The following NEB variants were observed in gnomAD, a reference collection of about 807,000 sequenced individuals.
NEB encodes nebulin, also known as nemaline myopathy type 2.
A neutral mutation model predicts 952.2 loss-of-function variants in NEB; 512 were observed. The observed-to-expected ratio is 0.54, with a 90% CI of 0.50 to 0.58. NEB has a LOEUF of 0.58. Among genes scored for constraint, NEB ranks in the 20% least tolerant of loss-of-function variants. The pLI, the probability that NEB is intolerant of heterozygous loss-of-function variation, is 0.00. For synonymous variants in NEB, 2,900 were observed against 3,149.8 expected, an observed-to-expected ratio of 0.92 and a Z score of 2.66; for missense variants, 8,428 against 9,231.1, an observed-to-expected ratio of 0.91 and a Z score of 3.56.
In NEB at chr2:151,684,994, C is replaced by A. The variant is rs750188445; in HGVS notation, c.2638-19G>T. ...ATTCGCGCTGTGAATAGGAAATTATCATTTATTATCACAAATCCTCGATGG... is the reference window on the plus strand; with the variant it reads ...ATTCGCGCTGTGAATAGGAAATTATAATTTATTATCACAAATCCTCGATGG... On this transcript the variant is annotated intron_variant, in intron 27 of 181. Coordinates refer to ENST00000397345, the MANE Select transcript of NEB (RefSeq NM_001164508.2). 2 of 1,554,304 alleles carry A rather than the reference C, an allele frequency of 1.3e-6. No individual in the cohort carries two copies. Among genetic ancestry groups the A allele is most frequent in the Non-Finnish European group, 1.8e-6 (2 of 1,139,188 alleles).
intron 138 of NEB, 43 bp from the exon 139 acceptor site, chr2:151,538,287 G>T: frequency 1.4e-6 from 2 of 1,409,982 alleles, no homozygotes; most frequent in Non-Finnish European, 2.0e-6. Context: ...AAACTACCAA[G>T]TTAAATAATT....
rs1471553322 is a variant in NEB at position 151,667,870 on chromosome 2, G to C, written c.4653C>G (p.Gly1551=). The change falls in exon 40 of 182, where the codon GGC becomes GGG. Residue 1551 remains glycine, a synonymous_variant. Transcript: ENST00000397345. ...KADWKKTIAK[G]YDLRPDAIPI... The stretch of plus-strand genomic sequence containing the variant: ...GGATGGCATCTGGTCTCAAATCATA[G>C]CCCTTGGCAATGGTTTTCTTCCAAT... 9.3e-6 allele frequency: 15 copies of C among 1,612,386 alleles called. No homozygotes were observed. Among genetic ancestry groups the C allele is most frequent in the Non-Finnish European group, 1.3e-5 (15 of 1,178,836 alleles).
At chr2:151,489,556 C>G (rs538514382) in intron 181 of NEB, among the ~76,000 whole-genome samples, 1 of 152,158 alleles carries the variant, frequency 6.6e-6, no homozygotes, top group East Asian at 1.9e-4. Context: ...ACCACCACAC[C>G]TGGCTAATTT....
In NEB at chr2:151,505,432, A is replaced by T. The variant is rs116698898; in HGVS notation, c.23742+46T>A. 521 of 1,485,458 alleles carry T rather than the reference A, an allele frequency of 3.5e-4. No homozygotes were observed. In the African/African-American group the frequency reaches 5.9e-3, roughly 17 times the overall value. 92.0% of individuals were successfully genotyped at this position (1,485,458 alleles called of 1,614,324 possible). ...TGAGAGAGCACCAGGGTAGCAATTG[A>T]GAGATGGCCAGTCACACAAATGGAA... On this transcript the variant is annotated intron_variant, in intron 165 of 181. Coordinates refer to ENST00000397345, the MANE Select transcript of NEB (RefSeq NM_001164508.2).
chr2:151,684,828 C>G lies in NEB; in HGVS notation c.2785G>C (p.Asp929His). ...TTGGCAAGGTCCACATTGATGCTAT[C>G]AGGGGGGTAGCTGTAACTGTGTAAG... ...HILHSYSYPP[D>H]SINVDLAKKA... The change falls in exon 28 of 182, where the codon GAT (aspartate) becomes CAT (histidine). Residue 929 changes from aspartate to histidine, a missense_variant. Coordinates refer to ENST00000397345, the MANE Select transcript of NEB (RefSeq NM_001164508.2). 1 of 1,613,302 alleles carries G rather than the reference C, an allele frequency of 6.2e-7. No individual in the cohort carries two copies. Among genetic ancestry groups the G allele is most frequent in the Non-Finnish European group, 8.5e-7 (1 of 1,179,602 alleles).
chr2:151,553,316 T>C, intron 127 of NEB, 82 bp downstream of exon 127: 1 of 1,148,588 alleles, frequency 8.7e-7, no homozygotes, highest in Non-Finnish European at 1.3e-6. Flanking sequence ...TGTGACAATG[T>C]CCCTATTTTA....
At position 151,492,489 on chromosome 2, in the gene NEB, A is replaced by C. The variant is rs1298212749; in HGVS notation, c.24771T>G (p.Leu8257=). ...KRNQENISSV[L]YSDSFRKQIQ... is the part of the protein sequence containing the mutation. ...TTTGTTTCCGGAAACTATCAGAATAAAGAACCTGATGCAGGAGAGACCGTG... is the reference window on the plus strand; with the variant it reads ...TTTGTTTCCGGAAACTATCAGAATACAGAACCTGATGCAGGAGAGACCGTG... Residue 8257 remains leucine (L), a synonymous_variant, in exon 177 of 182, where the codon CTT becomes CTG. Transcript: ENST00000397345. 9 of 1,609,668 alleles carry C rather than the reference A, an allele frequency of 5.6e-6. No homozygotes were observed. The highest frequency in any genetic ancestry group is 1.7e-5 in the Admixed American group (1 of 59,970).
chr2:151,562,946 T>C, intron 119 of NEB, 138 bp from the exon 120 acceptor site: 1 of 274,660 alleles, frequency 3.6e-6, no homozygotes, highest in Non-Finnish European at 6.6e-6. Flanking sequence ...TATTATATTC[T>C]TTATACTTTA....
At chr2:151,670,086 C>G (rs2099267265) in intron 38 of NEB, among the ~76,000 whole-genome samples, 1 of 152,176 alleles carries the variant, frequency 6.6e-6, no homozygotes, top group East Asian at 1.9e-4. Context: ...AGTGAGTGTA[C>G]AGTTTGCCTA....
chr2:151,526,102 C>G, intron 149 of NEB, 34 bp from the exon 150 acceptor site: 1 of 1,611,776 alleles, frequency 6.2e-7, no homozygotes, highest in Non-Finnish European at 8.5e-7. Context: ...ATTAAGGCAT[C>G]TGCCTGGGGC....
chr2:151,631,247 T>C lies in NEB; in HGVS notation c.9514A>G (p.Ser3172Gly). Residue 3172 changes from serine to glycine, a missense_variant, in exon 66 of 182, where the codon AGT becomes GGT. By Grantham distance (56) the Ser-to-Gly change is moderately conservative. This residue lies in a region of NEB where 1,772 missense variants were observed against 1,960.3 expected (regional missense o/e 0.90). Coordinates refer to ENST00000397345, the MANE Select transcript of NEB (RefSeq NM_001164508.2). ...GGAGGCTGGCGGTAGATGTTATCAC[T>C]CAGTATTTCGGTAGCTCTCTTGCAC... ...VKCKRATEILSDNIYRQPPDK... is the reference protein window; with the variant it reads ...VKCKRATEILGDNIYRQPPDK... 6.2e-7 allele frequency: 1 copy of C among 1,613,940 alleles called. No individual in the cohort carries two copies. Among genetic ancestry groups the C allele is most frequent in the Non-Finnish European group, 8.5e-7 (1 of 1,179,870 alleles).
rs754308213 is a variant in NEB, at chr2:151,616,031, C to A, written c.11260G>T (p.Ala3754Ser). 6 of 1,613,012 alleles carry A rather than the reference C, an allele frequency of 3.7e-6. No homozygotes were observed. The highest frequency in any genetic ancestry group is 2.5e-6 in the Non-Finnish European group (3 of 1,179,546). The part of the protein sequence containing the change: ...LRLDAIPIQA[A>S]KASRDIASDY... ...CTAGCAATATCTCTTGAAGCCTTGG[C>A]TGCTTGGATTGGAATGGCATCCAGA... Residue 3754 changes from alanine (A) to serine (S), a missense_variant, in exon 76 of 182, where the codon GCC (alanine) becomes TCC (serine). Around this residue, in one of 11 missense-constraint regions of NEB, gnomAD observed 1,772 missense variants for 1,960.3 expected, o/e 0.90. Coordinates refer to ENST00000397345, the MANE Select transcript of NEB (RefSeq NM_001164508.2).
rs2099815786 is a variant in NEB at position 151,734,120 on chromosome 2, T to C, written c.-114+278A>G. Among the ~76,000 whole-genome samples, 3 of 152,168 alleles carry C rather than the reference T, an allele frequency of 2.0e-5. No homozygotes were observed. The South Asian group carries it at 6.2e-4, about 31-fold the overall frequency. ...CAGCGTATCTTCTTTTTCACACTAA[T>C]ATATTTAGAGAAAAATATCAAAGGC... On this transcript the variant is annotated intron_variant, in intron 1 of 181. Transcript: ENST00000397345.
chr2:151,500,987 C>A (rs2064036822), intron 168 of NEB, among the ~76,000 whole-genome samples: 4 of 152,104 alleles, frequency 2.6e-5, no homozygotes, highest in Admixed American at 2.0e-4. Context: ...TTAAGATGAT[C>A]CCTGTTCCTA....
rs531201942 is a variant in NEB, at chr2:151,501,526, A to G, written c.23929-43T>C. ...ACAAACAAATCAACCTGGACCCATCATTTTTTAGGTAGACTTAACCTAAAA... is the reference window on the plus strand; with the variant it reads ...ACAAACAAATCAACCTGGACCCATCGTTTTTTAGGTAGACTTAACCTAAAA... On this transcript the variant is annotated intron_variant, in intron 167 of 181. Coordinates refer to ENST00000397345, the MANE Select transcript of NEB (RefSeq NM_001164508.2). The G allele has an allele frequency of 1.3e-4, 156 of 1,166,484 alleles. 3 individuals carry two copies. In the South Asian group the frequency reaches 3.1e-3, roughly 23 times the overall value. The allele number at this position is 1,166,484 out of a possible 1,614,324, so 72.3% of individuals were successfully genotyped here. A position where few individuals can be genotyped will look rare whatever the true frequency, so the allele number is the denominator to read the frequency against.
chr2:151,674,537 A>G lies in NEB; in HGVS notation c.3927T>C (p.Asn1309=). 1 of 1,613,962 alleles carries G rather than the reference A, an allele frequency of 6.2e-7. No individual in the cohort carries two copies. Among genetic ancestry groups the G allele is most frequent in the Non-Finnish European group, 8.5e-7 (1 of 1,179,860 alleles). The change falls in exon 36 of 182, where the codon AAT becomes AAC. Residue 1309 remains asparagine (N), a synonymous_variant. Transcript: ENST00000397345. ...DWYDLIAKGN[N]VLGDAIPITA... ...TGATGGGAATAGCATCGCCCAGCAC[A>G]TTGTTGCCCTTGGCTATTAAGTCAT... is the stretch of plus-strand genomic sequence containing the variant.
intron 140 of NEB, 137 bp from the exon 141 acceptor site, chr2:151,537,373 A>G (rs1300494398): frequency 1.7e-6 from 1 of 573,806 alleles, no homozygotes; most frequent in Non-Finnish European, 3.1e-6. Context: ...ACAATTATTT[A>G]AAAGACATTT....
At chr2:151,644,199 A>G in intron 56 of NEB, 70 bp from the exon 57 acceptor site, 2 of 1,561,848 alleles carry the variant, frequency 1.3e-6, no homozygotes, top group Non-Finnish European at 1.7e-6. Flanking sequence ...GCAAATTACA[A>G]AGCGCATTAA....
At position 151,510,849 on chromosome 2, in the gene NEB, C is replaced by T. The variant is rs183704293; in HGVS notation, c.23346+1884G>A. 2.3e-3 allele frequency among the ~76,000 whole-genome samples: 343 copies of T among 152,298 alleles called. 7 individuals carry two copies. In the East Asian group the frequency reaches 0.044, roughly 20 times the overall value. On this transcript the variant is annotated intron_variant, in intron 161 of 181. Transcript: ENST00000397345. The stretch of plus-strand genomic sequence containing the variant: ...TGTATAGTATCCTAAATTTGTGAGT[C>T]AGCTTACATTGCTTGTATTAACCCC...
Sources: gnomAD v4.1 joint callset for allele counts (sites outside exome capture counted in the v4.1 genomes callset) on GRCh38, gnomAD v4.1.1 for gene constraint, gnomAD v4.1.1 regional missense constraint, MANE v1.5 for transcripts, NCBI Gene and HGNC (gene_info 2026-07-23, HGNC 2026-07-21) for gene names.